GNAS-AS1: variants seen among roughly 807,000 people sequenced by gnomAD.
The protein encoded by GNAS-AS1 is GNAS antisense RNA 1.
intron 2 of GNAS-AS1, among the ~76,000 whole-genome samples, chr20:58,844,532 T>C (rs1242327536): frequency 6.6e-6 from 1 of 152,178 alleles, no homozygotes; most frequent in Non-Finnish European, 1.5e-5. Flanking sequence ...CATGGTCAAG[T>C]GGCCTTAGGT....
chr20:58,832,869 C>T (rs962604908), intron 4 of GNAS-AS1, among the ~76,000 whole-genome samples: 1 of 152,216 alleles, frequency 6.6e-6, no homozygotes, highest in Non-Finnish European at 1.5e-5. Context: ...CATCTCAATC[C>T]CCACACAGCA....
intron 4 of GNAS-AS1, among the ~76,000 whole-genome samples, chr20:58,820,258 A>T (rs2145448594): frequency 6.6e-6 from 1 of 152,360 alleles, no homozygotes; most frequent in South Asian, 2.1e-4. Context: ...CTCACCTATC[A>T]AGAAATATAC....
chr20:58,837,913 GGTTAA>G (rs1366296708), intron 4 of GNAS-AS1, among the ~76,000 whole-genome samples: 2 of 152,186 alleles, frequency 1.3e-5, no homozygotes, highest in Non-Finnish European at 2.9e-5. Flanking sequence ...GAAGGTGTGA[GGTTAA>G]GTTCCATCAT....
intron 1 of GNAS-AS1, among the ~76,000 whole-genome samples, chr20:58,849,780 G>A (rs1022939345): frequency 8.5e-5 from 13 of 152,154 alleles, no homozygotes; most frequent in Non-Finnish European, 8.8e-5. Context: ...TTCCTTCACC[G>A]TGCTAGGTCT....
At chr20:58,843,311 C>T (rs961744158) in intron 2 of GNAS-AS1, 5 of 151,872 alleles carry the variant, frequency 3.3e-5, no homozygotes, top group Non-Finnish European at 7.4e-5. Context: ...AGAGCTATAC[C>T]AACCCCCGAG....
At chr20:58,822,335 G>T (rs2085492113) in intron 4 of GNAS-AS1, among the ~76,000 whole-genome samples, 1 of 152,212 alleles carries the variant, frequency 6.6e-6, no homozygotes, top group Non-Finnish European at 1.5e-5. Context: ...CCCACTCAGA[G>T]ATGAGTGACA....
At chr20:58,825,051 G>A (rs1298388055) in intron 4 of GNAS-AS1, among the ~76,000 whole-genome samples, 3 of 152,192 alleles carry the variant, frequency 2.0e-5, no homozygotes, top group African/African-American at 7.2e-5. Context: ...GGCTGCGTCC[G>A]CAAACATAAA....
At chr20:58,823,048 G>A (rs2085496488) in intron 4 of GNAS-AS1, among the ~76,000 whole-genome samples, 1 of 151,974 alleles carries the variant, frequency 6.6e-6, no homozygotes, top group Non-Finnish European at 1.5e-5. Flanking sequence ...CTCTTCACGG[G>A]CACTTCCCAG....
chr20:58,833,968 T>C (rs1353229384), intron 4 of GNAS-AS1: 1 of 152,212 alleles, frequency 6.6e-6, no homozygotes, highest in Non-Finnish European at 1.5e-5. Context: ...ATAGTCCCAA[T>C]CTACTGGAGC....
At chr20:58,820,501 C>G (rs1383344587) in intron 4 of GNAS-AS1, among the ~76,000 whole-genome samples, 2 of 152,244 alleles carry the variant, frequency 1.3e-5, no homozygotes, top group African/African-American at 4.8e-5. Context: ...TCCAGAAGCA[C>G]TAGTGAACCT....
chr20:58,819,850 C>G (rs1308968237), intron 4 of GNAS-AS1, among the ~76,000 whole-genome samples: 2 of 152,224 alleles, frequency 1.3e-5, no homozygotes, highest in Non-Finnish European at 2.9e-5. Context: ...ACAAAAAACC[C>G]AGACCCACAC....
At chr20:58,830,484 T>TCA (rs2085556045) in intron 4 of GNAS-AS1, among the ~76,000 whole-genome samples, 2 of 5,670 alleles carry the variant, frequency 3.5e-4, no homozygotes, top group Non-Finnish European at 7.0e-4. Flanking sequence ...ATCATCACCA[T>TCA]CACCACCATC....
intron 4 of GNAS-AS1, among the ~76,000 whole-genome samples, chr20:58,831,328 T>G (rs2085567474): frequency 6.6e-6 from 1 of 151,508 alleles, no homozygotes; most frequent in African/African-American, 2.4e-5. Context: ...GTTTTGCTTT[T>G]TTTTAAAAAA....
intron 4 of GNAS-AS1, among the ~76,000 whole-genome samples, chr20:58,829,506 C>A (rs1473692299): frequency 5.1e-4 from 77 of 152,212 alleles, no homozygotes; most frequent in Non-Finnish European, 7.3e-5. Context: ...CCCTGCCCAG[C>A]CCTCCAGATT....
In GNAS-AS1 at chr20:58,829,850, G is replaced by A. The variant is rs73306235; in HGVS notation, n.820-10595C>T. Among the ~76,000 whole-genome samples the A allele has an allele frequency of 2.7e-3, 418 of 152,084 alleles. 3 individuals are homozygous for A. The highest frequency in any genetic ancestry group is 9.5e-3 in the African/African-American group (395 of 41,448). Reference sequence around the variant, plus strand: ...AGGTTATAAGGAGACCTTCCTTAGCGCGATGACTCATTATTTCCAGATCCC... The same window carrying A: ...AGGTTATAAGGAGACCTTCCTTAGCACGATGACTCATTATTTCCAGATCCC... On this transcript the variant is annotated intron_variant and non_coding_transcript_variant, in intron 4 of 4. Coordinates refer to ENST00000424094, the Ensembl canonical transcript of GNAS-AS1.
At chr20:58,821,690 G>A (rs1479912828) in intron 4 of GNAS-AS1, among the ~76,000 whole-genome samples, 1 of 152,156 alleles carries the variant, frequency 6.6e-6, no homozygotes, top group Non-Finnish European at 1.5e-5. Flanking sequence ...AGAAGATGAG[G>A]GGATCTTCTG....
Position 58,841,309 on chromosome 20 carries a change from C to G in GNAS-AS1, n.819+628G>C, listed in dbSNP as rs1356538949. The G allele has an allele frequency of 1.9e-6, 2 of 1,060,010 alleles. No homozygotes were observed. Among genetic ancestry groups the G allele is most frequent in the Admixed American group, 5.0e-5 (1 of 20,164 alleles). 65.7% of individuals were successfully genotyped at this position (1,060,010 alleles called of 1,614,324 possible). On this transcript the variant is annotated intron_variant and non_coding_transcript_variant, in intron 4 of 4. Transcript: ENST00000424094. This position sits in a 1 kb window ranked among gnomAD's most constrained non-coding sequence, Gnocchi z 5.0. Reference sequence around the variant, plus strand: ...CTTCTCAGGTGTCCAAAATGTGGTTCGGAGGTGCGCGCGCCAACTTTCACG... The same window carrying G: ...CTTCTCAGGTGTCCAAAATGTGGTTGGGAGGTGCGCGCGCCAACTTTCACG...
intron 4 of GNAS-AS1, among the ~76,000 whole-genome samples, chr20:58,824,319 G>A (rs533104537): frequency 1.3e-5 from 2 of 152,224 alleles, no homozygotes; most frequent in Non-Finnish European, 1.5e-5. Flanking sequence ...ATAACAACAA[G>A]TTTAAAAATA....
chr20:58,838,871 C>T (rs1430981814), intron 4 of GNAS-AS1: 1 of 376,546 alleles, frequency 2.7e-6, no homozygotes, highest in African/African-American at 2.4e-5. Context: ...GACCCAAGAT[C>T]ACATCAGTGC....
Sources: allele counts gnomAD v4.1 joint callset (sites outside exome capture counted in the v4.1 genomes callset), GRCh38; gene constraint gnomAD v4.1.1; non-coding constraint Gnocchi (gnomAD v3.1); transcripts MANE v1.5; gene names NCBI Gene and HGNC (gene_info 2026-07-23, HGNC 2026-07-21).